SNX29: variants seen among roughly 807,000 people sequenced by gnomAD.
SNX29 encodes sorting nexin-29.
Under a neutral mutation model 102.1 loss-of-function variants are expected in SNX29, and 78 were observed. That is an observed-to-expected ratio of 0.76 (90% CI 0.64 to 0.92). SNX29 has a LOEUF of 0.92. Ranked by LOEUF, SNX29 falls within the 40% of genes least tolerant of loss-of-function variation. The pLI is 0.00. For missense variants in SNX29, 1,280 were observed against 1,061.7 expected (o/e 1.21, Z -2.86); for synonymous variants, 580 against 414.5 (o/e 1.40, Z -4.85).
intron 15 of SNX29, among the ~76,000 whole-genome samples, chr16:12,296,422 T>C (rs1005329291): frequency 2.6e-5 from 4 of 152,242 alleles, no homozygotes; most frequent in Non-Finnish European, 4.4e-5. Context: ...ATCAGAATTA[T>C]AACAATTTGT....
intron 3 of SNX29, among the ~76,000 whole-genome samples, chr16:12,016,125 A>G (rs1343798322): frequency 6.6e-6 from 1 of 152,116 alleles, no homozygotes; most frequent in Non-Finnish European, 1.5e-5. Flanking sequence ...TTGGCCTCCC[A>G]AAGTGCTGGG....
chr16:12,462,591 T>TACAC (rs1363385277), intron 18 of SNX29, among the ~76,000 whole-genome samples: 2 of 133,128 alleles, frequency 1.5e-5, no homozygotes, highest in African/African-American at 5.8e-5. Flanking sequence ...GGGATTTCAT[T>TACAC]ATACACACAC....
intron 13 of SNX29, among the ~76,000 whole-genome samples, chr16:12,197,634 A>G (rs1383039740): frequency 1.3e-5 from 2 of 152,222 alleles, no homozygotes; most frequent in Non-Finnish European, 2.9e-5. Flanking sequence ...TTTGTCTCCC[A>G]CAAACATTTT....
intron 15 of SNX29, among the ~76,000 whole-genome samples, chr16:12,323,447 A>G (rs938685716): frequency 2.6e-5 from 4 of 152,124 alleles, no homozygotes; most frequent in Admixed American, 2.6e-4. Flanking sequence ...AAATAACTTC[A>G]AAAGTACCAT....
In SNX29 at chr16:12,553,076, C is replaced by G. The variant is rs112919998; in HGVS notation, c.2319-15430C>G. ...GATGGTAACTGCAAAGCAACACTCA[C>G]CTGCATATAGTTCAGGCTTGGCCTG... On this transcript the variant is annotated intron_variant, in intron 20 of 20. Transcript: ENST00000566228. Among the ~76,000 whole-genome samples, 1,135 of 152,304 alleles carry G rather than the reference C, an allele frequency of 7.5e-3. 8 individuals are homozygous for G. Among genetic ancestry groups the G allele is most frequent in the African/African-American group, 0.025 (1,039 of 41,562 alleles).
intron 16 of SNX29, among the ~76,000 whole-genome samples, chr16:12,380,225 G>A (rs954930717): frequency 2.1e-5 from 3 of 141,272 alleles, no homozygotes; most frequent in African/African-American, 3.1e-5. Context: ...TGGATCAGGA[G>A]GGTACAGGCT....
At position 12,531,702 on chromosome 16, in the gene SNX29, C is replaced by T. The variant is rs149858067; in HGVS notation, c.2318+6861C>T. The stretch of plus-strand genomic sequence containing the variant: ...TCTGGGTGCAGAGAGGTCAAGGGGA[C>T]AAGGAGGGGAAGCCCGCTTGGGAGC... On this transcript the variant is annotated intron_variant, in intron 20 of 20. Coordinates refer to ENST00000566228, the MANE Select transcript of SNX29 (RefSeq NM_032167.5). 4.5e-3 allele frequency among the ~76,000 whole-genome samples: 687 copies of T among 152,122 alleles called. 8 individuals are homozygous for T. The Middle Eastern group carries it at 0.051, about 11-fold the overall frequency.
At chr16:12,568,453 G>T in intron 20 of SNX29, 53 bp from the exon 21 acceptor site, 1 of 1,600,272 alleles carries the variant, frequency 6.2e-7, no homozygotes, top group Non-Finnish European at 8.5e-7. Flanking sequence ...CTGGCCTGTG[G>T]TCATTTGCTT....
chr16:12,259,548 A>G (rs543398405), intron 14 of SNX29, among the ~76,000 whole-genome samples: 1 of 152,294 alleles, frequency 6.6e-6, no homozygotes, highest in East Asian at 1.9e-4. Flanking sequence ...TGAGGAGCGG[A>G]TTGAAGCCAG....
At chr16:12,538,197 G>C (rs2077164575) in intron 20 of SNX29, among the ~76,000 whole-genome samples, 1 of 152,070 alleles carries the variant, frequency 6.6e-6, no homozygotes, top group Non-Finnish European at 1.5e-5. Flanking sequence ...CTCACCGCAA[G>C]CTCTGTGTTC....
intron 18 of SNX29, among the ~76,000 whole-genome samples, chr16:12,457,124 C>T (rs1330331712): frequency 1.3e-5 from 2 of 152,238 alleles, no homozygotes; most frequent in Admixed American, 1.3e-4. Flanking sequence ...GGTCAAGTCA[C>T]ATTGTGTGTT....
chr16:12,164,094 G>A (rs2055908771), intron 13 of SNX29, among the ~76,000 whole-genome samples: 1 of 152,152 alleles, frequency 6.6e-6, no homozygotes, highest in Non-Finnish European at 1.5e-5. Flanking sequence ...GGTGCGGTGT[G>A]TGTGTAGGGG....
chr16:12,492,838 T>A (rs1349215885), intron 19 of SNX29, among the ~76,000 whole-genome samples: 3 of 152,214 alleles, frequency 2.0e-5, no homozygotes, highest in Non-Finnish European at 2.9e-5. Context: ...ATCAGATGGT[T>A]GTAGATATGC....
At chr16:12,414,037 C>T (rs1265818089) in intron 18 of SNX29, among the ~76,000 whole-genome samples, 5 of 152,106 alleles carry the variant, frequency 3.3e-5, no homozygotes, top group East Asian at 1.9e-4. Flanking sequence ...CTTACAATAC[C>T]TAGTACAATG....
intron 13 of SNX29, among the ~76,000 whole-genome samples, chr16:12,191,549 C>T (rs186955817): frequency 3.9e-5 from 6 of 152,110 alleles, no homozygotes; most frequent in African/African-American, 1.4e-4. Flanking sequence ...GACAATTACT[C>T]GAGGGTGTGA....
intron 13 of SNX29, among the ~76,000 whole-genome samples, chr16:12,168,164 C>T (rs931637357): frequency 1.3e-5 from 2 of 152,202 alleles, no homozygotes; most frequent in African/African-American, 4.8e-5. Flanking sequence ...AAAGTGTAGG[C>T]TGTCAAGAAA....
intron 19 of SNX29, among the ~76,000 whole-genome samples, chr16:12,495,482 C>G (rs1169563516): frequency 6.6e-6 from 1 of 152,226 alleles, no homozygotes; most frequent in Non-Finnish European, 1.5e-5. Context: ...AGAACTGTTT[C>G]TCAGCTACCC....
At chr16:12,206,767 A>C (rs928902985) in intron 14 of SNX29, among the ~76,000 whole-genome samples, 1 of 149,536 alleles carries the variant, frequency 6.7e-6, no homozygotes, top group Non-Finnish European at 1.5e-5. Flanking sequence ...AAAAATCCCA[A>C]TGCTTGGCCC....
intron 18 of SNX29, among the ~76,000 whole-genome samples, chr16:12,438,805 G>A (rs1352190902): frequency 2.0e-5 from 3 of 152,360 alleles, no homozygotes; most frequent in South Asian, 2.1e-4. Context: ...ACCAGGTGTA[G>A]GGGTGGAAGG....
Sources: allele counts gnomAD v4.1 joint callset (sites outside exome capture counted in the v4.1 genomes callset), GRCh38; gene constraint gnomAD v4.1.1; transcripts MANE v1.5; gene names NCBI Gene and HGNC (gene_info 2026-07-23, HGNC 2026-07-21).